FARS2: variants seen among roughly 807,000 people sequenced by gnomAD.
FARS2 encodes phenylalanine--tRNA ligase, mitochondrial.
Under a neutral mutation model 46.4 loss-of-function variants are expected in FARS2, and 40 were observed. The observed-to-expected ratio is 0.86, with a 90% confidence interval of 0.67 to 1.12. The LOEUF is 1.12. Among genes scored for constraint, FARS2 ranks in the 50% most tolerant of loss-of-function variants. The pLI is 0.00. For synonymous variants in FARS2, 234 were observed against 214.9 expected, an observed-to-expected ratio of 1.09 and a Z score of -0.78; for missense variants, 513 against 567.9, an observed-to-expected ratio of 0.90 and a Z score of 0.98.
intron 1 of FARS2, among the ~76,000 whole-genome samples, chr6:5,301,683 G>T (rs1768309384): frequency 6.6e-6 from 1 of 151,936 alleles, no homozygotes; most frequent in Non-Finnish European, 1.5e-5. Context: ...AATATATTAG[G>T]GTGGGTTGCG....
At chr6:5,516,704 T>A (rs922952864) in intron 4 of FARS2, among the ~76,000 whole-genome samples, 2 of 152,218 alleles carry the variant, frequency 1.3e-5, no homozygotes, top group African/African-American at 4.8e-5. Flanking sequence ...ACCATAGGTA[T>A]CATGTTATAA....
intron 4 of FARS2, among the ~76,000 whole-genome samples, chr6:5,451,253 A>G (rs908574566): frequency 1.3e-5 from 2 of 151,800 alleles, no homozygotes; most frequent in African/African-American, 4.8e-5. Context: ...AGGCTTTATT[A>G]CCTCAGACAG....
intron 3 of FARS2, among the ~76,000 whole-genome samples, chr6:5,410,367 G>A (rs555709482): frequency 6.6e-6 from 1 of 151,896 alleles, no homozygotes; most frequent in Non-Finnish European, 1.5e-5. Flanking sequence ...TCACCATGTT[G>A]TCCACACTGG....
intron 1 of FARS2, among the ~76,000 whole-genome samples, chr6:5,294,581 A>G (rs1378206505): frequency 6.6e-6 from 1 of 152,148 alleles, no homozygotes; most frequent in Non-Finnish European, 1.5e-5. Context: ...TGACAGTCAC[A>G]AGTCCTGGCC....
At chr6:5,531,509 T>C (rs1197334335) in intron 4 of FARS2, among the ~76,000 whole-genome samples, 2 of 152,116 alleles carry the variant, frequency 1.3e-5, no homozygotes, top group Non-Finnish European at 2.9e-5. Context: ...AGTAAGTTGA[T>C]TAGAATGCCA....
chr6:5,742,095 G>C (rs1761379710), intron 6 of FARS2, among the ~76,000 whole-genome samples: 1 of 152,196 alleles, frequency 6.6e-6, no homozygotes, highest in Admixed American at 6.5e-5. Flanking sequence ...AGACAGATCA[G>C]AGTCTCAATT....
At chr6:5,552,400 T>A (rs1376296615) in intron 5 of FARS2, among the ~76,000 whole-genome samples, 1 of 152,196 alleles carries the variant, frequency 6.6e-6, no homozygotes, top group Non-Finnish European at 1.5e-5. Context: ...AATCCTATTG[T>A]GCAAGAAGCA....
In FARS2 at chr6:5,761,213, C is replaced by T. The variant is rs932051660; in HGVS notation, c.1218-10078C>T. Among the ~76,000 whole-genome samples the T allele has an allele frequency of 3.3e-5, 5 of 152,272 alleles. No homozygotes were observed. In the South Asian group the frequency reaches 8.3e-4, roughly 25 times the overall value. On this transcript the variant is annotated intron_variant, in intron 6 of 6. Transcript: ENST00000274680. ...TCTATGGTCCATGCCATTTATTTAA[C>T]ATTTAGTATTAATGGTTTCATCCTG... is the stretch of plus-strand genomic sequence containing the variant.
At chr6:5,280,234 T>A (rs1019343852) in intron 1 of FARS2, among the ~76,000 whole-genome samples, 7 of 152,240 alleles carry the variant, frequency 4.6e-5, no homozygotes, top group Non-Finnish European at 8.8e-5. Flanking sequence ...GATGAAAATA[T>A]CTTGATTACT....
chr6:5,316,851 C>T (rs1769554246), intron 1 of FARS2, among the ~76,000 whole-genome samples: 1 of 152,164 alleles, frequency 6.6e-6, no homozygotes, highest in African/African-American at 2.4e-5. Context: ...TACCAAAGCC[C>T]AGCAGACTTA....
At chr6:5,473,706 A>G (rs1250314398) in intron 4 of FARS2, among the ~76,000 whole-genome samples, 1 of 152,172 alleles carries the variant, frequency 6.6e-6, no homozygotes, top group African/African-American at 2.4e-5. Flanking sequence ...TAGAAGACTC[A>G]GTTTTTTATT....
chr6:5,304,533 A>G (rs1220538635), intron 1 of FARS2, among the ~76,000 whole-genome samples: 1 of 152,242 alleles, frequency 6.6e-6, no homozygotes, highest in African/African-American at 2.4e-5. Context: ...GCTTTCCAGA[A>G]GAGTGGAGGC....
At chr6:5,559,652 T>A (rs919492326) in intron 5 of FARS2, among the ~76,000 whole-genome samples, 1 of 152,196 alleles carries the variant, frequency 6.6e-6, no homozygotes, top group Non-Finnish European at 1.5e-5. Context: ...TGGAAATTTG[T>A]TGAGCAAATT....
chr6:5,255,862 A>G, the FARS2 span, among the ~76,000 whole-genome samples: 1 of 152,330 alleles, frequency 6.6e-6, no homozygotes, highest in Admixed American at 6.5e-5. Flanking sequence ...TGTCAAATAA[A>G]ATCACCCCAG....
chr6:5,500,879 C>T (rs543867636), intron 4 of FARS2, among the ~76,000 whole-genome samples: 21 of 151,940 alleles, frequency 1.4e-4, no homozygotes, highest in African/African-American at 4.6e-4. Context: ...ACTGGAATGA[C>T]TTGGAACAAA....
At chr6:5,450,491 G>A (rs1228483148) in intron 4 of FARS2, among the ~76,000 whole-genome samples, 3 of 137,192 alleles carry the variant, frequency 2.2e-5, no homozygotes, top group Admixed American at 7.1e-5. Flanking sequence ...TGTGAAGGTC[G>A]CGGTGGCCAT....
chr6:5,357,560 GT>G (rs1758011383), intron 1 of FARS2, among the ~76,000 whole-genome samples: 2 of 152,216 alleles, frequency 1.3e-5, no homozygotes, highest in Admixed American at 6.5e-5. Flanking sequence ...TATAGGATAA[GT>G]TATGGTTTGC....
intron 5 of FARS2, among the ~76,000 whole-genome samples, chr6:5,598,513 G>A (rs1308978781): frequency 6.6e-6 from 1 of 152,174 alleles, no homozygotes; most frequent in African/African-American, 2.4e-5. Flanking sequence ...TTTTCTGGAA[G>A]TATCAATCAA....
intron 2 of FARS2, among the ~76,000 whole-genome samples, chr6:5,369,667 C>G (rs1758917025): frequency 1.3e-5 from 2 of 152,168 alleles, no homozygotes; most frequent in East Asian, 1.9e-4. Context: ...GTGTCTTGTC[C>G]CCAGGCACTT....
Sources: allele counts gnomAD v4.1 joint callset (sites outside exome capture counted in the v4.1 genomes callset), GRCh38; gene constraint gnomAD v4.1.1; transcripts MANE v1.5; gene names NCBI Gene and HGNC (gene_info 2026-07-23, HGNC 2026-07-21).